The following FILIP1L variants were observed in gnomAD, a reference collection of about 807,000 sequenced individuals.
The protein encoded by FILIP1L is filamin A-interacting protein 1-like.
In FILIP1L, 55 loss-of-function variants were observed where a neutral mutation model predicts 96.6. The ratio of observed to expected loss-of-function variants is 0.57; its 90% CI spans 0.46 to 0.71. The LOEUF is 0.71. Ranked by LOEUF, FILIP1L falls within the 30% of genes least tolerant of loss-of-function variation. The pLI, the probability that FILIP1L is intolerant of heterozygous loss-of-function variation, is 0.00. For synonymous variants in FILIP1L, 467 were observed against 473.9 expected (o/e 0.99, Z 0.19); for missense variants, 1,304 against 1,321.2 (o/e 0.99, Z 0.20).
At chr3:99,930,731 G>A (rs780321897) in intron 2 of FILIP1L, 38 bp downstream of exon 2, 10 of 1,605,048 alleles carry the variant, frequency 6.2e-6, no homozygotes, top group East Asian at 4.5e-5. Context: ...GCAGCCTTCT[G>A]TTTGAAGCAT....
chr3:99,898,449 A>T (rs553730507), intron 4 of FILIP1L: 1 of 152,366 alleles, frequency 6.6e-6, no homozygotes, highest in African/African-American at 2.4e-5. Flanking sequence ...TGGAATTATG[A>T]CATGCACCCA....
intron 1 of FILIP1L, among the ~76,000 whole-genome samples, chr3:100,061,918 T>G (rs1230686575): frequency 1.3e-5 from 2 of 152,140 alleles, no homozygotes; most frequent in Non-Finnish European, 2.9e-5. Flanking sequence ...TAACTATTGC[T>G]AACTGTGCAG....
At chr3:100,036,976 T>G (rs1446118087) in intron 1 of FILIP1L, among the ~76,000 whole-genome samples, 2 of 152,186 alleles carry the variant, frequency 1.3e-5, no homozygotes, top group Non-Finnish European at 2.9e-5. Flanking sequence ...TCAAAAATGT[T>G]AGTATCCTGA....
chr3:100,070,421 T>C (rs1351243784), intron 1 of FILIP1L, among the ~76,000 whole-genome samples: 2 of 130,748 alleles, frequency 1.5e-5, no homozygotes. Flanking sequence ...GAGTACTCTG[T>C]TTTACTTAGG....
chr3:100,062,281 T>C (rs2065586113), intron 1 of FILIP1L, among the ~76,000 whole-genome samples: 1 of 151,718 alleles, frequency 6.6e-6, no homozygotes, highest in Non-Finnish European at 1.5e-5. Flanking sequence ...CCAGCTATTT[T>C]TTTGTATTTT....
At chr3:100,029,340 G>C (rs1324845777) in intron 1 of FILIP1L, among the ~76,000 whole-genome samples, 1 of 151,882 alleles carries the variant, frequency 6.6e-6, no homozygotes, top group Non-Finnish European at 1.5e-5. Flanking sequence ...TATTGATTTT[G>C]ATTATGATAA....
intron 3 of FILIP1L, among the ~76,000 whole-genome samples, chr3:99,924,956 G>T (rs562729630): frequency 3.2e-4 from 49 of 152,282 alleles, no homozygotes; most frequent in African/African-American, 1.2e-3. Context: ...GTCCCTGTGG[G>T]TATCAACTGT....
intron 5 of FILIP1L, chr3:99,833,024 A>G: frequency 1.8e-6 from 1 of 553,332 alleles, no homozygotes; most frequent in Non-Finnish European, 3.2e-6. Flanking sequence ...CAAGAGAAAT[A>G]CATGCATATG....
At chr3:99,911,036 C>T (rs940082961) in intron 4 of FILIP1L, among the ~76,000 whole-genome samples, 4 of 151,986 alleles carry the variant, frequency 2.6e-5, no homozygotes, top group South Asian at 4.2e-4. Context: ...TATCTCATTG[C>T]CGTTTGTTCA....
At chr3:99,897,092 C>T (rs1362490591) in intron 4 of FILIP1L, among the ~76,000 whole-genome samples, 2 of 152,116 alleles carry the variant, frequency 1.3e-5, no homozygotes, top group Admixed American at 1.3e-4. Context: ...AGCATGGTGG[C>T]TCACGCCTGT....
chr3:100,054,806 C>T (rs536318578), intron 1 of FILIP1L, among the ~76,000 whole-genome samples: 3 of 152,256 alleles, frequency 2.0e-5, no homozygotes, highest in East Asian at 3.9e-4. Context: ...AACCTTGCCC[C>T]CTCTCTCTCA....
At chr3:99,902,854 G>A (rs1012888340) in intron 4 of FILIP1L, among the ~76,000 whole-genome samples, 1 of 152,154 alleles carries the variant, frequency 6.6e-6, no homozygotes, top group Non-Finnish European at 1.5e-5. Flanking sequence ...CTGAAATTTA[G>A]ATGATAAATT....
intron 1 of FILIP1L, among the ~76,000 whole-genome samples, chr3:100,101,529 A>G (rs1310792466): frequency 5.3e-5 from 8 of 152,098 alleles, no homozygotes; most frequent in African/African-American, 1.9e-4. Flanking sequence ...GGAATTCTTG[A>G]TTGTGGTGGA....
chr3:99,972,066 A>G (rs1708838736), intron 1 of FILIP1L, among the ~76,000 whole-genome samples: 2 of 152,236 alleles, frequency 1.3e-5, no homozygotes, highest in African/African-American at 4.8e-5. Context: ...TAAGTGAATC[A>G]GTACGAATAT....
At chr3:99,957,452 G>GTA (rs750905719) in intron 1 of FILIP1L, among the ~76,000 whole-genome samples, 257 of 151,744 alleles carry the variant, frequency 1.7e-3, no homozygotes, top group Non-Finnish European at 1.8e-3. Context: ...ACATATGTGT[G>GTA]TATATATATA....
chr3:100,004,091 C>T (rs942203592), intron 1 of FILIP1L, among the ~76,000 whole-genome samples: 1 of 152,150 alleles, frequency 6.6e-6, no homozygotes, highest in East Asian at 1.9e-4. Context: ...CACCTTGATT[C>T]GGCCTACTGA....
In FILIP1L at chr3:99,849,501, T is replaced by G. The variant is rs780420744; in HGVS notation, c.2175A>C (p.Lys725Asn). The G allele has an allele frequency of 6.2e-7, 1 of 1,613,350 alleles. No homozygotes were observed. Among genetic ancestry groups the G allele is most frequent in the Admixed American group, 1.7e-5 (1 of 59,838 alleles). ...CTTCAGTTGCCATGTATTCATGAAT[T>G]TTCTCTTTTAATGCATCCACTTCTC... ...LSREVDALKEKIHEYMATEDL... is the reference protein window; with the variant it reads ...LSREVDALKENIHEYMATEDL... Residue 725 changes from lysine to asparagine, a missense_variant, in exon 5 of 6, where the codon AAA becomes AAC. Lys to Asn is a moderately conservative substitution (Grantham distance 94, BLOSUM62 0). Coordinates refer to ENST00000477258, the MANE Select transcript of FILIP1L (RefSeq NM_001387850.1).
intron 1 of FILIP1L, among the ~76,000 whole-genome samples, chr3:100,014,273 G>A (rs1019435839): frequency 6.6e-6 from 1 of 151,714 alleles, no homozygotes; most frequent in African/African-American, 2.4e-5. Context: ...TCCACATCTT[G>A]ACTGTTATGA....
intron 1 of FILIP1L, among the ~76,000 whole-genome samples, chr3:100,074,675 A>AATT (rs2065818687): frequency 2.9e-5 from 1 of 34,782 alleles, no homozygotes; most frequent in Non-Finnish European, 4.9e-5. Flanking sequence ...GCAACATTTG[A>AATT]TTTTTTTTTT....
Sources: gnomAD v4.1 joint callset for allele counts (sites outside exome capture counted in the v4.1 genomes callset) on GRCh38, gnomAD v4.1.1 for gene constraint, MANE v1.5 for transcripts, NCBI Gene and HGNC (gene_info 2026-07-23, HGNC 2026-07-21) for gene names.